UBL5: variants seen among roughly 807,000 people sequenced by gnomAD.
The protein encoded by UBL5 is ubiquitin like 5.
In UBL5, 13 loss-of-function variants were observed where a neutral mutation model predicts 11.7. The observed-to-expected ratio is 1.11, with a 90% CI of 0.73 to 1.77. The LOEUF (loss-of-function observed/expected upper bound fraction) is 1.77, where lower values mean the gene tolerates loss of function less well. UBL5 is among the 40% of genes most tolerant of loss of function. The pLI, the probability that UBL5 is intolerant of heterozygous loss-of-function variation, is 0.00. For synonymous variants in UBL5, 28 were observed against 34.7 expected (o/e 0.81, Z 0.68); for missense variants, 58 against 92.3 (o/e 0.63, Z 1.52).
At position 9,828,677 on chromosome 19, in the gene UBL5, T is replaced by G; in HGVS notation, c.140+2T>G. On this transcript the variant is annotated splice_donor_variant, in intron 3 of 4. Transcript: ENST00000586895. LOFTEE classifies it high-confidence loss of function. Reference sequence around the variant, plus strand: ...GAACAAGATTGTCCTGAAGAAGTGGTGAGTGCAGCGGTAGAGCCACTGGGT... The same window carrying G: ...GAACAAGATTGTCCTGAAGAAGTGGGGAGTGCAGCGGTAGAGCCACTGGGT... 1.2e-6 allele frequency: 2 copies of G among 1,614,206 alleles called. No homozygotes were observed. The highest frequency in any genetic ancestry group is 1.7e-6 in the Non-Finnish European group (2 of 1,180,036).
chr19:9,828,179 T>TC, intron 1 of UBL5, 148 bp from the exon 2 acceptor site: 1 of 739,442 alleles, frequency 1.4e-6, no homozygotes, highest in Middle Eastern at 2.5e-4. Context: ...AGTATTCGAG[T>TC]CCGGGGGGTT....
In UBL5 at chr19:9,828,876, T is replaced by G; in HGVS notation, c.178+2T>G. The G allele has an allele frequency of 6.2e-7, 1 of 1,614,216 alleles. No individual in the cohort carries two copies. The highest frequency in any genetic ancestry group is 8.5e-7 in the Non-Finnish European group (1 of 1,180,010). ...AGGACCACGTGTCTCTGGGGGACTGTATCCTTTGTGTGACTTTTTGAGGAA... is the reference window on the plus strand; with the variant it reads ...AGGACCACGTGTCTCTGGGGGACTGGATCCTTTGTGTGACTTTTTGAGGAA... On this transcript the variant is annotated splice_donor_variant, in intron 4 of 4. Transcript: ENST00000586895. LOFTEE classifies it high-confidence loss of function.
chr19:9,828,222 T>A (rs2046035286), intron 1 of UBL5, 105 bp from the exon 2 acceptor site: 4 of 1,120,674 alleles, frequency 3.6e-6, no homozygotes, highest in Non-Finnish European at 5.4e-6. Context: ...TAACCTGGAA[T>A]TTTAGGGCCT....
At position 9,828,145 on chromosome 19, in the gene UBL5, G is replaced by C. The variant is rs1427036231; in HGVS notation, c.-12+161G>C. 8.0e-6 allele frequency: 5 copies of C among 627,158 alleles called. No individual in the cohort carries two copies. The East Asian group carries it at 1.4e-4, about 17-fold the overall frequency. The allele number at this position is 627,158 out of a possible 1,614,324, so 38.8% of individuals were successfully genotyped here. On this transcript the variant is annotated intron_variant, in intron 1 of 4. Coordinates refer to ENST00000586895, the MANE Select transcript of UBL5 (RefSeq NM_001048241.3). ...GCGGCTCCCCGGGGTTCGCGGCCCT[G>C]GGACAGGGGACTTGGGGCCTGGGAG...
At chr19:9,828,254 T>G (rs2046035521) in intron 1 of UBL5, 73 bp from the exon 2 acceptor site, 7 of 1,422,892 alleles carry the variant, frequency 4.9e-6, no homozygotes, top group Non-Finnish European at 7.0e-6. Flanking sequence ...ACTTGTAGGC[T>G]GGGGCTTCTG....
Position 9,828,285 on chromosome 19 carries a change from C to T in UBL5, c.-11-42C>T, listed in dbSNP as rs891643256. On this transcript the variant is annotated intron_variant, in intron 1 of 4. Coordinates refer to ENST00000586895, the MANE Select transcript of UBL5 (RefSeq NM_001048241.3). ...TTCTGGGCCTGGGAGACGCCTGAAGCTCTGACTTTGCTGCCTCCCACCCAC... is the reference window on the plus strand; with the variant it reads ...TTCTGGGCCTGGGAGACGCCTGAAGTTCTGACTTTGCTGCCTCCCACCCAC... The T allele has an allele frequency of 1.1e-5, 18 of 1,595,198 alleles. No individual in the cohort carries two copies. In the Middle Eastern group the frequency reaches 1.5e-3, roughly 133 times the overall value.
chr19:9,829,186 T>C, intron 4 of UBL5: 1 of 325,266 alleles, frequency 3.1e-6, no homozygotes, highest in Non-Finnish European at 5.7e-6. Flanking sequence ...AATTTTTATT[T>C]TATTTATTTA....
chr19:9,828,263 TGG>T, intron 1 of UBL5, 62 bp from the exon 2 acceptor site: 1 of 1,503,160 alleles, frequency 6.7e-7, no homozygotes, highest in Non-Finnish European at 9.3e-7. Context: ...CTGGGGCTTC[TGG>T]GCCTGGGAGA....
intron 2 of UBL5, 76 bp from the exon 3 acceptor site, chr19:9,828,516 G>A: frequency 6.2e-7 from 1 of 1,608,538 alleles, no homozygotes. Context: ...TGGGGTCCTG[G>A]CAGATGGTAT....
chr19:9,829,177 A>C, intron 4 of UBL5: 1 of 369,606 alleles, frequency 2.7e-6, no homozygotes, highest in South Asian at 5.6e-5. Flanking sequence ...ACTTTTTACA[A>C]TTTTTATTTT....
chr19:9,828,776 AT>A, intron 3 of UBL5, 60 bp from the exon 4 acceptor site: 2 of 1,611,598 alleles, frequency 1.2e-6, no homozygotes, highest in African/African-American at 1.3e-5. Context: ...TGGCTACCTC[AT>A]TTGGCCTACA....
In UBL5 at chr19:9,828,388, A is replaced by G. The variant is rs2046036592; in HGVS notation, c.51A>G (p.Lys17=). 3.1e-6 allele frequency: 5 copies of G among 1,614,090 alleles called. No homozygotes were observed. Among genetic ancestry groups the G allele is most frequent in the Non-Finnish European group, 4.2e-6 (5 of 1,180,006 alleles). The change falls in exon 2 of 5, where the codon AAA becomes AAG. Residue 17 remains lysine, a synonymous_variant. Coordinates refer to ENST00000586895, the MANE Select transcript of UBL5 (RefSeq NM_001048241.3). ...GTCTGGGGAAGAAGGTCCGCGTTAA[A>G]TGCAAGTATCCACTGGCAGCCGAGA... ...NDRLGKKVRV[K]CNTDDTIGDL... is the part of the protein sequence containing the mutation.
chr19:9,827,981 C>A lies in UBL5; in HGVS notation c.-15C>A, dbSNP rs2046033227. ...TGGCGTCGGCAGGTTCGAGGCGATT[C>A]GAGGTGAGGGGGTCAAGCGGAGAGG... On this transcript the variant is annotated 5_prime_UTR_variant, in exon 1 of 5. Transcript: ENST00000586895. 2 of 371,900 alleles carry A rather than the reference C, an allele frequency of 5.4e-6. No homozygotes were observed. Among genetic ancestry groups the A allele is most frequent in the Non-Finnish European group, 1.0e-5 (2 of 200,514 alleles). The allele number at this position is 371,900 out of a possible 1,614,324, so 23.0% of individuals were successfully genotyped here.
chr19:9,828,938 C>T, intron 4 of UBL5, 64 bp downstream of exon 4: 1 of 1,515,448 alleles, frequency 6.6e-7, no homozygotes, highest in Non-Finnish European at 9.2e-7. Context: ...CTGTTCAAAA[C>T]TAAAGTCTGC....
At chr19:9,828,162 G>A (rs1414767041) in intron 1 of UBL5, 165 bp from the exon 2 acceptor site, 13 of 671,902 alleles carry the variant, frequency 1.9e-5, no homozygotes, top group Middle Eastern at 2.8e-4. Flanking sequence ...GGGACTTGGG[G>A]CCTGGGAGTA....
In UBL5 at chr19:9,828,867, G is replaced by A; in HGVS notation, c.171G>A (p.Leu57=). ...WYTIFKDHVS[L]GDYEIHDGMN... ...CGATTTTTAAGGACCACGTGTCTCT[G>A]GGGGACTGTATCCTTTGTGTGACTT... The change falls in exon 4 of 5, where the codon CTG becomes CTA. Residue 57 remains leucine, a synonymous_variant. Transcript: ENST00000586895. 6.2e-7 allele frequency: 1 copy of A among 1,614,162 alleles called. No homozygotes were observed. The highest frequency in any genetic ancestry group is 1.1e-5 in the South Asian group (1 of 91,088).
rs11541863 is a variant in UBL5 at position 9,828,623 on chromosome 19, C to T, written c.88C>T (p.Leu30=). 2.5e-6 allele frequency: 4 copies of T among 1,614,086 alleles called. No homozygotes were observed. Among genetic ancestry groups the T allele is most frequent in the South Asian group, 1.1e-5 (1 of 91,090 alleles). The change falls in exon 3 of 5, where the codon CTG becomes TTG. Residue 30 remains leucine (L), a synonymous_variant. Coordinates refer to ENST00000586895, the MANE Select transcript of UBL5 (RefSeq NM_001048241.3). Reference sequence around the variant, plus strand: ...TGATACCATCGGGGACCTTAAGAAGCTGATTGCAGCCCAAACTGGTACCCG... The same window carrying T: ...TGATACCATCGGGGACCTTAAGAAGTTGATTGCAGCCCAAACTGGTACCCG... ...TDDTIGDLKK[L]IAAQTGTRWN... is the part of the protein sequence containing the mutation.
chr19:9,828,706 C>T, intron 3 of UBL5, 31 bp downstream of exon 3: 1 of 1,613,972 alleles, frequency 6.2e-7, no homozygotes. Flanking sequence ...ACTGGGTGGA[C>T]TGGACTAGGC....
rs190865199 is a variant in UBL5 at position 9,828,497 on chromosome 19, G to A, written c.57-95G>A. 456 of 1,604,798 alleles carry A rather than the reference G, an allele frequency of 2.8e-4. 1 individual carries two copies. Among genetic ancestry groups the A allele is most frequent in the Non-Finnish European group, 3.3e-4 (382 of 1,171,510 alleles). On this transcript the variant is annotated intron_variant, in intron 2 of 4. Transcript: ENST00000586895. ...GATGGTTTTAGTTAAACCCGGGAGA[G>A]GGGGCGGATGGGGTCCTGGCAGATG...
Sources: allele counts gnomAD v4.1 joint callset, GRCh38; gene constraint gnomAD v4.1.1; transcripts MANE v1.5; gene names NCBI Gene and HGNC (gene_info 2026-07-23, HGNC 2026-07-21).